The following ABCG2 variants were observed in gnomAD, a reference collection of about 807,000 sequenced individuals.
ABCG2 encodes ATP binding cassette subfamily G member 2 (JR blood group), also known as broad substrate specificity ATP-binding cassette transporter ABCG2.
Under a neutral mutation model 73.5 loss-of-function variants are expected in ABCG2, and 80 were observed. That is an observed-to-expected ratio of 1.09 (90% CI 0.91 to 1.31). ABCG2 has a LOEUF of 1.31. Ranked by LOEUF, ABCG2 falls within the 50% of genes most tolerant of loss-of-function variation. The probability of loss-of-function intolerance (pLI) is 0.00; values close to 1 mark genes in which losing one functional copy is unlikely to be tolerated. For missense variants in ABCG2, 796 were observed against 786.2 expected (o/e 1.01, Z -0.15); for synonymous variants, 269 against 282.4 (o/e 0.95, Z 0.48).
At chr4:88,197,210 A>G (rs980686913) in intron 1 of ABCG2, among the ~76,000 whole-genome samples, 1 of 151,720 alleles carries the variant, frequency 6.6e-6, no homozygotes, top group Non-Finnish European at 1.5e-5. Context: ...AAAAAAAAAA[A>G]CAAGGCATAC....
At chr4:88,215,082 A>G (rs754336746) in intron 1 of ABCG2, among the ~76,000 whole-genome samples, 3 of 152,126 alleles carry the variant, frequency 2.0e-5, no homozygotes, top group Non-Finnish European at 2.9e-5. Flanking sequence ...ACAGAATGAG[A>G]CAGTCTTAAA....
At chr4:88,195,505 A>G (rs1466949763) in intron 1 of ABCG2, among the ~76,000 whole-genome samples, 1 of 152,206 alleles carries the variant, frequency 6.6e-6, no homozygotes, top group Non-Finnish European at 1.5e-5. Flanking sequence ...ACAGGTCTGC[A>G]GCAACCTCAG....
intron 1 of ABCG2, among the ~76,000 whole-genome samples, chr4:88,218,801 G>C (rs1241313495): frequency 1.3e-5 from 2 of 152,210 alleles, no homozygotes; most frequent in African/African-American, 4.8e-5. Flanking sequence ...GAGAAGAGTA[G>C]ACAATATCTC....
In ABCG2 at chr4:88,171,930, G is replaced by A. The variant is rs72554053; in HGVS notation, c.-19-31916C>T. ...GGCCAAAGGAGTTCCAGGCCACAGT[G>A]TGCTATGATTGTGCCTGCAAGTGGA... On this transcript the variant is annotated intron_variant, in intron 1 of 15. Transcript: ENST00000515655. Among the ~76,000 whole-genome samples, 1,248 of 152,262 alleles carry A rather than the reference G, an allele frequency of 8.2e-3. 8 individuals carry two copies. Among genetic ancestry groups the A allele is most frequent in the Non-Finnish European group, 0.012 (811 of 68,016 alleles).
intron 1 of ABCG2, among the ~76,000 whole-genome samples, chr4:88,155,225 T>C (rs529564701): frequency 1.3e-5 from 2 of 152,254 alleles, no homozygotes; most frequent in East Asian, 3.9e-4. Context: ...GTCGAAAGTA[T>C]CCAACCATGC....
chr4:88,174,744 T>G (rs1276288732), intron 1 of ABCG2, among the ~76,000 whole-genome samples: 1 of 152,222 alleles, frequency 6.6e-6, no homozygotes, highest in Non-Finnish European at 1.5e-5. Flanking sequence ...TAGATCCCAT[T>G]TGTCAATTTT....
At position 88,131,177 on chromosome 4, in the gene ABCG2, T is replaced by C; in HGVS notation, c.415A>G (p.Asn139Asp). 3.7e-6 allele frequency: 6 copies of C among 1,614,056 alleles called. No individual in the cohort carries two copies. Among genetic ancestry groups the C allele is most frequent in the South Asian group, 2.2e-5 (2 of 91,072 alleles). Residue 139 changes from asparagine (N) to aspartate (D), a missense_variant, in exon 5 of 16, where the codon AAC (asparagine) becomes GAC (aspartate). Asn to Asp is a conservative substitution (Grantham distance 23). Coordinates refer to ENST00000237612, the MANE Select transcript of ABCG2 (RefSeq NM_004827.3). ...VVMGTLTVRE[N>D]LQFSAALRLA... ...CGAAGAGCTGCTGAGAACTGTAAGT[T>C]TTCTCTCACCGTCAGAGTGCCCATC... is the stretch of plus-strand genomic sequence containing the variant.
At chr4:88,168,401 C>A (rs949044288) in intron 1 of ABCG2, among the ~76,000 whole-genome samples, 1 of 151,780 alleles carries the variant, frequency 6.6e-6, no homozygotes, top group Non-Finnish European at 1.5e-5. Context: ...GCAGGAGAAT[C>A]GCTTGAACCC....
chr4:88,216,837 C>T (rs1339108529), intron 1 of ABCG2, among the ~76,000 whole-genome samples: 1 of 152,050 alleles, frequency 6.6e-6, no homozygotes, highest in African/African-American at 2.4e-5. Context: ...CAAGACCAGC[C>T]TGACCAAAAT....
chr4:88,154,264 C>G (rs1242429201), intron 1 of ABCG2, among the ~76,000 whole-genome samples: 1 of 152,146 alleles, frequency 6.6e-6, no homozygotes, highest in Non-Finnish European at 1.5e-5. Flanking sequence ...CAGTGAATGA[C>G]TCCAGCTTCC....
chr4:88,158,717 C>T (rs1255147238), upstream of ABCG2: 1 of 441,440 alleles, frequency 2.3e-6, no homozygotes. Context: ...CCCCTTCCCC[C>T]AACCACACCC....
intron 12 of ABCG2, among the ~76,000 whole-genome samples, chr4:88,098,881 T>C (rs968330927): frequency 5.3e-5 from 8 of 152,064 alleles, no homozygotes; most frequent in Middle Eastern, 3.4e-3. Flanking sequence ...GAGGCTGAGG[T>C]AGGAGGACTA....
chr4:88,177,110 C>G (rs965814281), intron 1 of ABCG2, among the ~76,000 whole-genome samples: 1 of 152,184 alleles, frequency 6.6e-6, no homozygotes, highest in African/African-American at 2.4e-5. Context: ...CAGTGGCTCA[C>G]GCCTGTAATC....
intron 1 of ABCG2, among the ~76,000 whole-genome samples, chr4:88,217,077 A>G (rs1455060932): frequency 6.6e-6 from 1 of 152,098 alleles, no homozygotes; most frequent in African/African-American, 2.4e-5. Context: ...CTGCCTGCAG[A>G]GCTTCTACTA....
Position 88,132,579 on chromosome 4 carries a change from G to A in ABCG2, c.260C>T (p.Ser87Phe). 2 of 1,614,136 alleles carry A rather than the reference G, an allele frequency of 1.2e-6. No individual in the cohort carries two copies. Among genetic ancestry groups the A allele is most frequent in the Non-Finnish European group, 1.7e-6 (2 of 1,180,004 alleles). The change falls in exon 3 of 16, where the codon TCT becomes TTT. Residue 87 changes from serine to phenylalanine, a missense_variant. Ser to Phe is a radical substitution (Grantham distance 155, BLOSUM62 -2). Transcript: ENST00000237612. ...ACTTATACTCTCTTATACTCACGAA[G>A]ATTTGCCTCCACCTGTGGGTCCCAG... ...AILGPTGGGK[S>F]SLLDVLAARK... is the part of the protein sequence containing the mutation.
intron 1 of ABCG2, among the ~76,000 whole-genome samples, chr4:88,177,076 T>C (rs1425239987): frequency 6.6e-6 from 1 of 152,116 alleles, no homozygotes; most frequent in Non-Finnish European, 1.5e-5. Context: ...TAAATACATT[T>C]ATATAAAAAT....
chr4:88,208,714 T>G (rs1019067064), intron 1 of ABCG2, among the ~76,000 whole-genome samples: 2 of 152,192 alleles, frequency 1.3e-5, no homozygotes, highest in Non-Finnish European at 2.9e-5. Flanking sequence ...TTCCATTTTT[T>G]AATTTAAAAA....
At chr4:88,144,449 CTTTTTTT>C (rs59434855) in intron 1 of ABCG2, among the ~76,000 whole-genome samples, 1 of 77,582 alleles carries the variant, frequency 1.3e-5, no homozygotes, top group African/African-American at 5.8e-5. Flanking sequence ...CACATTTTTA[CTTTTTTT>C]TTTTTTTTTT....
intron 1 of ABCG2, among the ~76,000 whole-genome samples, chr4:88,228,872 C>G (rs977373773): frequency 8.2e-5 from 3 of 36,516 alleles, no homozygotes; most frequent in African/African-American, 2.9e-4. Context: ...GTAAATGCAC[C>G]AATCAGCACT....
Sources: allele counts gnomAD v4.1 joint callset (sites outside exome capture counted in the v4.1 genomes callset), GRCh38; gene constraint gnomAD v4.1.1; transcripts MANE v1.5; gene names NCBI Gene and HGNC (gene_info 2026-07-23, HGNC 2026-07-21).